Variants in RALYL observed in about 807,000 individuals in gnomAD.
RALYL encodes RALY RNA binding protein like.
A neutral mutation model predicts 35.1 loss-of-function variants in RALYL; 29 were observed. The observed-to-expected ratio is 0.83, with a 90% CI of 0.61 to 1.13. The LOEUF (loss-of-function observed/expected upper bound fraction) is 1.13. RALYL is among the 50% of genes most tolerant of loss of function. The pLI is 0.00. For missense variants in RALYL, 359 were observed against 360.4 expected (o/e 1.00, Z 0.03); for synonymous variants, 120 against 127.6 (o/e 0.94, Z 0.40).
chr8:84,232,203 A>T (rs1465872343), intron 1 of RALYL, among the ~76,000 whole-genome samples: 3 of 152,158 alleles, frequency 2.0e-5, no homozygotes, highest in African/African-American at 7.2e-5. Context: ...TTTTCAGTAA[A>T]TTATACCAAA....
chr8:84,467,288 A>G (rs550927557), intron 1 of RALYL, among the ~76,000 whole-genome samples: 56 of 151,736 alleles, frequency 3.7e-4, no homozygotes, highest in South Asian at 3.6e-3. Context: ...TTAGTGCTAT[A>G]AATTTCCCTC....
chr8:84,514,491 C>A (rs1018727165), intron 1 of RALYL, among the ~76,000 whole-genome samples: 12 of 152,160 alleles, frequency 7.9e-5, no homozygotes, highest in Non-Finnish European at 1.3e-4. Context: ...GTTGAGGGCC[C>A]ACTCTTTGCT....
At chr8:84,711,376 T>C (rs1184958192) in intron 2 of RALYL, among the ~76,000 whole-genome samples, 1 of 152,198 alleles carries the variant, frequency 6.6e-6, no homozygotes, top group Non-Finnish European at 1.5e-5. Flanking sequence ...TAAAAGTATT[T>C]TTAAAATAAT....
chr8:84,693,954 T>TA (rs1488264276), intron 2 of RALYL, among the ~76,000 whole-genome samples: 1 of 151,748 alleles, frequency 6.6e-6, no homozygotes, highest in East Asian at 1.9e-4. Context: ...AAATTAGGTA[T>TA]AAAAATAATG....
intron 4 of RALYL, among the ~76,000 whole-genome samples, chr8:84,839,666 C>T (rs1323038410): frequency 6.6e-6 from 1 of 152,244 alleles, no homozygotes; most frequent in Non-Finnish European, 1.5e-5. Context: ...GGACAGACTG[C>T]CTCCTTAAGT....
At chr8:84,566,631 A>G (rs2970009) in intron 2 of RALYL, among the ~76,000 whole-genome samples, 28,616 of 151,490 alleles carry the variant, frequency 0.19, 2,971 homozygotes, top group Non-Finnish European at 0.23. Flanking sequence ...GATTTTTTTT[A>G]GATGGTTGAA....
intron 1 of RALYL, among the ~76,000 whole-genome samples, chr8:84,420,620 C>A (rs1272569628): frequency 7.3e-6 from 1 of 136,518 alleles, no homozygotes; most frequent in Non-Finnish European, 1.6e-5. Context: ...AAGTCCTTGC[C>A]CATGCCTATG....
intron 1 of RALYL, among the ~76,000 whole-genome samples, chr8:84,196,695 A>C (rs572013927): frequency 1.3e-5 from 2 of 152,294 alleles, no homozygotes; most frequent in East Asian, 1.9e-4. Flanking sequence ...CATGTTTTCA[A>C]ACTCCTTTTG....
intron 2 of RALYL, among the ~76,000 whole-genome samples, chr8:84,724,792 T>TTA (rs1335001458): frequency 6.6e-6 from 1 of 151,794 alleles, no homozygotes; most frequent in Non-Finnish European, 1.5e-5. Context: ...GAATTTGTGC[T>TTA]TAGAAATTCA....
chr8:84,641,535 A>G (rs1826327392), intron 2 of RALYL, among the ~76,000 whole-genome samples: 1 of 151,850 alleles, frequency 6.6e-6, no homozygotes, highest in Non-Finnish European at 1.5e-5. Context: ...CAAAAAGTAC[A>G]CTTACAAGTA....
intron 1 of RALYL, among the ~76,000 whole-genome samples, chr8:84,456,342 T>C (rs1169550315): frequency 2.0e-5 from 3 of 152,054 alleles, no homozygotes; most frequent in African/African-American, 7.2e-5. Flanking sequence ...GGTATCACTG[T>C]TATACCAACA....
At chr8:84,741,119 G>A (rs919056916) in intron 2 of RALYL, among the ~76,000 whole-genome samples, 1 of 151,964 alleles carries the variant, frequency 6.6e-6, no homozygotes, top group African/African-American at 2.4e-5. Context: ...GGTCATTTTA[G>A]AATGATTTGA....
intron 4 of RALYL, among the ~76,000 whole-genome samples, chr8:84,810,224 C>T (rs1468473179): frequency 6.6e-6 from 1 of 152,060 alleles, no homozygotes; most frequent in Admixed American, 6.6e-5. Flanking sequence ...AAATTTCCAT[C>T]TTAATTTTGT....
At chr8:84,275,899 T>C (rs1292755984) in intron 1 of RALYL, among the ~76,000 whole-genome samples, 1 of 152,154 alleles carries the variant, frequency 6.6e-6, no homozygotes, top group Non-Finnish European at 1.5e-5. Context: ...CTTGAGACAT[T>C]TTTTGTTTTT....
chr8:84,693,242 C>A (rs1028923427), intron 2 of RALYL, among the ~76,000 whole-genome samples: 5 of 151,848 alleles, frequency 3.3e-5, no homozygotes, highest in Non-Finnish European at 5.9e-5. Flanking sequence ...TGAGACTGAG[C>A]AATTTATAAA....
rs563394385 is a variant in RALYL, at chr8:84,210,530, G to A, written c.-24+26106G>A. 2.6e-5 allele frequency among the ~76,000 whole-genome samples: 4 copies of A among 151,982 alleles called. No homozygotes were observed. In the South Asian group the frequency reaches 8.3e-4, roughly 32 times the overall value. On this transcript the variant is annotated intron_variant, in intron 1 of 8. Transcript: ENST00000521268. ...ATTGTGATGTAATAAATATGTACAG[G>A]CGCTTATTCAAGAGTCAAAATAGAA... is the stretch of plus-strand genomic sequence containing the variant.
chr8:84,224,150 C>T (rs1823234111), intron 1 of RALYL, among the ~76,000 whole-genome samples: 1 of 152,174 alleles, frequency 6.6e-6, no homozygotes. Context: ...TCAGCTATGG[C>T]TCACTTTTTG....
intron 1 of RALYL, among the ~76,000 whole-genome samples, chr8:84,286,970 G>C (rs1249881832): frequency 1.3e-5 from 2 of 152,150 alleles, no homozygotes; most frequent in African/African-American, 2.4e-5. Flanking sequence ...TGTAAATTAA[G>C]ATGTTATCTT....
intron 4 of RALYL, among the ~76,000 whole-genome samples, chr8:84,832,352 G>A (rs1282797957): frequency 6.6e-6 from 1 of 151,892 alleles, no homozygotes; most frequent in African/African-American, 2.4e-5. Flanking sequence ...GGTTTACTTT[G>A]GCTTATAGGT....
Sources: gnomAD v4.1 joint callset for allele counts (sites outside exome capture counted in the v4.1 genomes callset) on GRCh38, gnomAD v4.1.1 for gene constraint, MANE v1.5 for transcripts, NCBI Gene and HGNC (gene_info 2026-07-23, HGNC 2026-07-21) for gene names.